MYCBPAP: variants seen among roughly 807,000 people sequenced by gnomAD.
MYCBPAP encodes MYCBP-associated protein.
MYCBPAP carries 60 observed loss-of-function variants against 106.1 expected under a neutral mutation model. The observed-to-expected ratio is 0.57, with a 90% CI of 0.46 to 0.70. The LOEUF is 0.70. MYCBPAP is among the 30% of genes least tolerant of loss of function. The pLI is 0.00. For synonymous variants in MYCBPAP, 407 were observed against 440.6 expected, an observed-to-expected ratio of 0.92 and a Z score of 0.95; for missense variants, 1,064 against 1,169.3, an observed-to-expected ratio of 0.91 and a Z score of 1.31.
intron 15 of MYCBPAP, among the ~76,000 whole-genome samples, 195 bp from the exon 16 acceptor site, chr17:50,527,960 C>G (rs1185714150): frequency 6.6e-6 from 1 of 152,134 alleles, no homozygotes; most frequent in Non-Finnish European, 1.5e-5. Flanking sequence ...TTCTTGGTTG[C>G]CACCCAAGGC....
intron 4 of MYCBPAP, 46 bp downstream of exon 4, chr17:50,517,744 A>G (rs1220636825): frequency 1.3e-6 from 2 of 1,540,074 alleles, no homozygotes; most frequent in East Asian, 2.2e-5. Flanking sequence ...CACTGAAGTC[A>G]TTTTGGTCTC....
chr17:50,525,629 G>A (rs537607665), intron 13 of MYCBPAP, among the ~76,000 whole-genome samples: 2 of 147,358 alleles, frequency 1.4e-5, no homozygotes, highest in Admixed American at 6.8e-5. Context: ...TAGGACTACA[G>A]GCATACATCA....
chr17:50,510,499 G>GTCTATA (rs1418345705), intron 1 of MYCBPAP: 1 of 76,414 alleles, frequency 1.3e-5, no homozygotes, highest in Non-Finnish European at 2.6e-5. Flanking sequence ...GTGTGTGTGT[G>GTCTATA]TATATATATA....
At position 50,513,005 on chromosome 17, in the gene MYCBPAP, C is replaced by T. The variant is rs144184343; in HGVS notation, c.77-3565C>T. Among the ~76,000 whole-genome samples, 968 of 152,042 alleles carry T rather than the reference C, an allele frequency of 6.4e-3. 8 individuals are homozygous for T. Among genetic ancestry groups the T allele is most frequent in the African/African-American group, 0.022 (930 of 41,460 alleles). ...GCTGAGGCAGGTGGATCATATGAGG[C>T]CAGGAGTTCAAGACCAGCCTAGCCA... On this transcript the variant is annotated intron_variant, in intron 1 of 18. Transcript: ENST00000323776.
At chr17:50,519,136 GGA>G (rs2034164521) in intron 6 of MYCBPAP, 47 bp downstream of exon 6, 1 of 1,326,390 alleles carries the variant, frequency 7.5e-7, no homozygotes. Flanking sequence ...GGTCCATGGA[GGA>G]GGGGGCGGGG....
In MYCBPAP at chr17:50,531,381, C is replaced by T. The variant is rs1234342754; in HGVS notation, c.2779C>T (p.Leu927Phe). The T allele has an allele frequency of 6.2e-6, 10 of 1,613,746 alleles. No individual in the cohort carries two copies. The highest frequency in any genetic ancestry group is 8.5e-6 in the Non-Finnish European group (10 of 1,179,912). The change falls in exon 19 of 19, where the codon CTC becomes TTC. Residue 927 changes from leucine to phenylalanine, a missense_variant. Leu to Phe is a conservative substitution (Grantham distance 22). Transcript: ENST00000323776. ...VTDLMVLADELSPIKNVEEAL... is the reference protein window; with the variant it reads ...VTDLMVLADEFSPIKNVEEAL... ...TGACCTGATGGTCCTGGCTGATGAGCTCAGCCCCATAAAGAATGTCGAGGA... is the reference window on the plus strand; with the variant it reads ...TGACCTGATGGTCCTGGCTGATGAGTTCAGCCCCATAAAGAATGTCGAGGA...
intron 1 of MYCBPAP, 176 bp downstream of exon 1, chr17:50,508,926 G>A (rs2033718646): frequency 1.4e-6 from 1 of 726,020 alleles, no homozygotes; most frequent in African/African-American, 1.7e-5. Context: ...GGCAGGAAGA[G>A]CCTACAGCGC....
intron 1 of MYCBPAP, chr17:50,515,039 C>T (rs1438174906): frequency 4.0e-6 from 1 of 250,322 alleles, no homozygotes; most frequent in African/African-American, 2.3e-5. Flanking sequence ...CCTCACCACA[C>T]TCCAGCTATT....
In MYCBPAP at chr17:50,528,164, G is replaced by T; in HGVS notation, c.2301G>T (p.Leu767=). Residue 767 remains leucine (L), a synonymous_variant, in exon 16 of 19, where the codon CTG becomes CTT. Transcript: ENST00000323776. The stretch of plus-strand genomic sequence containing the variant: ...GTGTCTTGCCCTCTAGTTTGCAGCT[G>T]TGGCGAGATGTGATTGACAGCCTGG... ...SNLLHQMCLQ[L]WRDVIDSLVG... is the part of the protein sequence containing the mutation. The T allele has an allele frequency of 6.2e-7, 1 of 1,614,088 alleles. No individual in the cohort carries two copies.
chr17:50,508,649 A>G lies in MYCBPAP; in HGVS notation c.-26A>G. The G allele has an allele frequency of 6.3e-7, 1 of 1,592,816 alleles. No individual in the cohort carries two copies. The stretch of plus-strand genomic sequence containing the variant: ...TGTCTCTGGGCCGGCGGTGCAGGGC[A>G]ACGTTTCATGGTGCCGGGCGGCACC... On this transcript the variant is annotated 5_prime_UTR_variant, in exon 1 of 19. Transcript: ENST00000323776.
Position 50,528,349 on chromosome 17 carries a change from C to G in MYCBPAP, c.2407+79C>G, listed in dbSNP as rs926403583. On this transcript the variant is annotated intron_variant, in intron 16 of 18. Coordinates refer to ENST00000323776, the MANE Select transcript of MYCBPAP (RefSeq NM_032133.6). Reference sequence around the variant, plus strand: ...AATGGACAAGCAGCAGTGCCTGGGCCAGTCATACTCCTTTGGTGGAAGCTC... The same window carrying G: ...AATGGACAAGCAGCAGTGCCTGGGCGAGTCATACTCCTTTGGTGGAAGCTC... The G allele has an allele frequency of 5.0e-6, 6 of 1,205,008 alleles. No homozygotes were observed. The East Asian group carries it at 1.0e-4, about 20-fold the overall frequency. The allele number at this position is 1,205,008 out of a possible 1,614,324, so 74.6% of individuals were successfully genotyped here. A position where few individuals can be genotyped will look rare whatever the true frequency, so the allele number is the denominator to read the frequency against.
At chr17:50,508,290 A>G, upstream of MYCBPAP, 1 of 401,796 alleles carries the variant, frequency 2.5e-6, no homozygotes. Context: ...GAGGCGGGTC[A>G]TGCACCCCTA....
rs1426415093 is a variant in MYCBPAP, at chr17:50,508,605, G to C, written c.-70G>C. ...GACGCAGTGGCGGCCGTTGGCTGGC[G>C]GGTGCGGCGCAGCCTCGGTGTCTCT... is the stretch of plus-strand genomic sequence containing the variant. On this transcript the variant is annotated 5_prime_UTR_variant, in exon 1 of 19. Transcript: ENST00000323776. 1 of 1,556,858 alleles carries C rather than the reference G, an allele frequency of 6.4e-7. No individual in the cohort carries two copies. The highest frequency in any genetic ancestry group is 8.7e-7 in the Non-Finnish European group (1 of 1,149,686).
chr17:50,511,569 A>G (rs1761728369), intron 1 of MYCBPAP, among the ~76,000 whole-genome samples: 1 of 152,180 alleles, frequency 6.6e-6, no homozygotes, highest in South Asian at 2.1e-4. Flanking sequence ...CCCGCTCCGT[A>G]TCTCGCTTCC....
At chr17:50,527,166 C>G in intron 14 of MYCBPAP, 121 bp from the exon 15 acceptor site, 1 of 1,419,950 alleles carries the variant, frequency 7.0e-7, no homozygotes, top group Non-Finnish European at 9.7e-7. Context: ...AGACAGCTCT[C>G]CATAGCTGCA....
intron 1 of MYCBPAP, 77 bp downstream of exon 1, chr17:50,508,827 G>A (rs1229052106): frequency 3.8e-6 from 5 of 1,303,188 alleles, no homozygotes; most frequent in Non-Finnish European, 5.5e-6. Flanking sequence ...AGGACACGGG[G>A]CCTGGAGGAT....
Position 50,514,121 on chromosome 17 carries a change from T to A in MYCBPAP, c.77-2449T>A, listed in dbSNP as rs146571146. Among the ~76,000 whole-genome samples the A allele has an allele frequency of 5.2e-3, 799 of 152,306 alleles. 10 individuals carry two copies. The highest frequency in any genetic ancestry group is 0.018 in the African/African-American group (768 of 41,568). On this transcript the variant is annotated intron_variant, in intron 1 of 18. Coordinates refer to ENST00000323776, the MANE Select transcript of MYCBPAP (RefSeq NM_032133.6). The stretch of plus-strand genomic sequence containing the variant: ...CCAGGCTGGTTTTGAACTCCTGGCC[T>A]CAAGCAATCCTCCCATCTCGGCCTC...
rs138709333 is a variant in MYCBPAP at position 50,518,682 on chromosome 17, C to T, written c.610C>T (p.Arg204Cys). The T allele has an allele frequency of 5.4e-5, 87 of 1,603,930 alleles. No individual in the cohort carries two copies. Among genetic ancestry groups the T allele is most frequent in the African/African-American group, 8.1e-5 (6 of 74,002 alleles). The stretch of plus-strand genomic sequence containing the variant: ...GCACAACTTTCTGAAAAACTGGCAG[C>T]GTAACACAGCCCTGCGGAAGAAGCA... ...PQHNFLKNWQ[R>C]NTALRKKQQE... is the part of the protein sequence containing the mutation. Residue 204 changes from arginine (R) to cysteine (C), a missense_variant, in exon 5 of 19, where the codon CGT becomes TGT. By Grantham distance (180) the Arg-to-Cys change is radical (BLOSUM62 -3). Transcript: ENST00000323776.
chr17:50,528,960 C>T (rs1308210071), intron 17 of MYCBPAP, 58 bp from the exon 18 acceptor site: 1 of 1,598,790 alleles, frequency 6.3e-7, no homozygotes, highest in Non-Finnish European at 8.5e-7. Context: ...CTGTTGAGGA[C>T]ATCCTTGGCC....
Sources: gnomAD v4.1 joint callset for allele counts (sites outside exome capture counted in the v4.1 genomes callset) on GRCh38, gnomAD v4.1.1 for gene constraint, MANE v1.5 for transcripts, NCBI Gene and HGNC (gene_info 2026-07-23, HGNC 2026-07-21) for gene names.